The following ZNF804B variants were observed in gnomAD, a reference collection of about 807,000 sequenced individuals.
The protein encoded by ZNF804B is zinc finger protein 804B.
Under a neutral mutation model 101.4 loss-of-function variants are expected in ZNF804B, and 80 were observed. The observed-to-expected ratio is 0.79, with a 90% CI of 0.66 to 0.95. The LOEUF (loss-of-function observed/expected upper bound fraction) is 0.95. Ranked by LOEUF, ZNF804B falls within the 40% of genes least tolerant of loss-of-function variation. The pLI is 0.00. For missense variants in ZNF804B, 1,673 were observed against 1,561.9 expected, an observed-to-expected ratio of 1.07 and a Z score of -1.20; for synonymous variants, 622 against 558.8, an observed-to-expected ratio of 1.11 and a Z score of -1.59.
At chr7:89,298,242 A>C (rs1160285276) in intron 2 of ZNF804B, among the ~76,000 whole-genome samples, 39 of 115,306 alleles carry the variant, frequency 3.4e-4, no homozygotes, top group Non-Finnish European at 5.9e-4. Context: ...ATATATATAT[A>C]TATATATATA....
At chr7:88,829,204 C>A (rs1215117104) in intron 1 of ZNF804B, among the ~76,000 whole-genome samples, 1 of 152,078 alleles carries the variant, frequency 6.6e-6, no homozygotes, top group African/African-American at 2.4e-5. Flanking sequence ...GCTCCTCCCA[C>A]CTCAACCTCC....
intron 1 of ZNF804B, among the ~76,000 whole-genome samples, chr7:88,975,790 G>A (rs1192137668): frequency 2.0e-5 from 3 of 151,522 alleles, no homozygotes; most frequent in African/African-American, 7.3e-5. Flanking sequence ...GATTGCACTT[G>A]TCCATTTTTG....
intron 1 of ZNF804B, among the ~76,000 whole-genome samples, chr7:88,821,567 T>G (rs1374814123): frequency 6.6e-6 from 1 of 152,174 alleles, no homozygotes; most frequent in Non-Finnish European, 1.5e-5. Context: ...ACGTGCAAGG[T>G]TATTGTAAAC....
rs372014058 is a variant in ZNF804B, at chr7:89,050,966, G to A, written c.109-167189G>A. 1.9e-4 allele frequency among the ~76,000 whole-genome samples: 27 copies of A among 145,532 alleles called. No homozygotes were observed. The East Asian group carries it at 3.0e-3, about 16-fold the overall frequency. On this transcript the variant is annotated intron_variant, in intron 1 of 3. Transcript: ENST00000333190. ...AAGGTAGAAGCACAAAATAAACCTC[G>A]TTTTATGAGTTTGTTTCTTTTTTTT... is the stretch of plus-strand genomic sequence containing the variant.
intron 1 of ZNF804B, among the ~76,000 whole-genome samples, chr7:89,111,728 T>A (rs1055407635): frequency 6.6e-6 from 1 of 152,208 alleles, no homozygotes; most frequent in African/African-American, 2.4e-5. Flanking sequence ...AAAATCAACT[T>A]ATTAATTTTT....
Position 89,195,335 on chromosome 7 carries a change from C to T in ZNF804B, c.109-22820C>T, listed in dbSNP as rs1298612533. On this transcript the variant is annotated intron_variant, in intron 1 of 3. Coordinates refer to ENST00000333190, the MANE Select transcript of ZNF804B (RefSeq NM_181646.5). ...TTCAACATAGTGTTGGAAGTTCTGG[C>T]CAGGGCAATTAGGCAGGAGAAGGAA... Among the ~76,000 whole-genome samples the T allele has an allele frequency of 6.2e-5, 9 of 145,942 alleles. No homozygotes were observed. The South Asian group carries it at 6.7e-4, about 11-fold the overall frequency.
chr7:89,069,782 A>T (rs1349585179), intron 1 of ZNF804B, among the ~76,000 whole-genome samples: 2 of 152,316 alleles, frequency 1.3e-5, no homozygotes, highest in South Asian at 4.1e-4. Context: ...GCTAGAATTG[A>T]ATAAACTCAA....
chr7:89,203,983 C>T (rs997501304), intron 1 of ZNF804B, among the ~76,000 whole-genome samples: 3 of 152,154 alleles, frequency 2.0e-5, no homozygotes, highest in East Asian at 1.9e-4. Context: ...TTGAAGGGAA[C>T]ATATTTGCAA....
intron 2 of ZNF804B, among the ~76,000 whole-genome samples, chr7:89,256,264 G>T (rs186212825): frequency 5.5e-4 from 83 of 152,184 alleles, no homozygotes; most frequent in Non-Finnish European, 1.1e-3. Flanking sequence ...CCATTAAAAG[G>T]GTCTGGCTGC....
chr7:88,762,891 C>T (rs746116391), intron 1 of ZNF804B, among the ~76,000 whole-genome samples: 3 of 152,054 alleles, frequency 2.0e-5, no homozygotes, highest in Non-Finnish European at 4.4e-5. Flanking sequence ...AAGTGTCTCT[C>T]CTATTACTTT....
At chr7:88,807,405 C>A (rs1315813467) in intron 1 of ZNF804B, among the ~76,000 whole-genome samples, 1 of 152,058 alleles carries the variant, frequency 6.6e-6, no homozygotes, top group Non-Finnish European at 1.5e-5. Context: ...AAATAAAATT[C>A]AACCACACCA....
chr7:89,182,173 A>T (rs1254081837), intron 1 of ZNF804B, among the ~76,000 whole-genome samples: 1 of 152,206 alleles, frequency 6.6e-6, no homozygotes, highest in Admixed American at 6.5e-5. Context: ...ATTTTTATTC[A>T]TTCTGTTTTC....
chr7:88,971,179 C>T (rs1399468605), intron 1 of ZNF804B, among the ~76,000 whole-genome samples: 1 of 151,440 alleles, frequency 6.6e-6, no homozygotes, highest in East Asian at 2.0e-4. Flanking sequence ...AAAGATTTGC[C>T]AAATGCTGCA....
chr7:88,830,579 G>T (rs1180297297), intron 1 of ZNF804B, among the ~76,000 whole-genome samples: 1 of 151,544 alleles, frequency 6.6e-6, no homozygotes, highest in East Asian at 1.9e-4. Flanking sequence ...TATAAAATTT[G>T]TAAAAATAGT....
At chr7:88,863,083 C>T (rs1384977293) in intron 1 of ZNF804B, among the ~76,000 whole-genome samples, 1 of 152,272 alleles carries the variant, frequency 6.6e-6, no homozygotes, top group African/African-American at 2.4e-5. Context: ...CTCCTTCTAG[C>T]TTCATCTTGT....
intron 1 of ZNF804B, among the ~76,000 whole-genome samples, chr7:88,771,222 T>A (rs965412187): frequency 6.6e-6 from 1 of 152,020 alleles, no homozygotes; most frequent in Non-Finnish European, 1.5e-5. Flanking sequence ...TGTGAATTCC[T>A]AGGGAAAAAA....
chr7:88,851,137 T>G (rs893960357), intron 1 of ZNF804B, among the ~76,000 whole-genome samples: 5 of 152,096 alleles, frequency 3.3e-5, no homozygotes, highest in African/African-American at 1.2e-4. Context: ...ATGAGTAGAT[T>G]GTTGGTGAGT....
At chr7:88,977,651 G>A (rs1793634608) in intron 1 of ZNF804B, among the ~76,000 whole-genome samples, 1 of 151,204 alleles carries the variant, frequency 6.6e-6, no homozygotes, top group Non-Finnish European at 1.5e-5. Context: ...TAGTCTTGCT[G>A]GAGTTTTGGC....
At chr7:88,793,797 A>G (rs978980162) in intron 1 of ZNF804B, among the ~76,000 whole-genome samples, 1 of 152,164 alleles carries the variant, frequency 6.6e-6, no homozygotes, top group African/African-American at 2.4e-5. Context: ...TTGTACCCTC[A>G]GAACACTATA....
Sources: gnomAD v4.1 joint callset for allele counts (sites outside exome capture counted in the v4.1 genomes callset) on GRCh38, gnomAD v4.1.1 for gene constraint, MANE v1.5 for transcripts, NCBI Gene and HGNC (gene_info 2026-07-23, HGNC 2026-07-21) for gene names.